NOP58: variants seen among roughly 807,000 people sequenced by gnomAD.
NOP58 encodes the protein nucleolar protein 58.
Under a neutral mutation model 71.2 loss-of-function variants are expected in NOP58, and 44 were observed. The ratio of observed to expected loss-of-function variants is 0.62; its 90% CI spans 0.49 to 0.79. The LOEUF (loss-of-function observed/expected upper bound fraction) is 0.79, where lower values mean the gene tolerates loss of function less well. Among genes scored for constraint, NOP58 ranks in the 30% least tolerant of loss-of-function variants. The pLI, the probability that NOP58 is intolerant of heterozygous loss-of-function variation, is 0.00. For missense variants in NOP58, 538 were observed against 620.2 expected (o/e 0.87, Z 1.41); for synonymous variants, 228 against 200.3 (o/e 1.14, Z -1.17).
At position 202,303,062 on chromosome 2, in the gene NOP58, G is replaced by A; in HGVS notation, c.1539+5G>A. 1 of 1,606,398 alleles carries A rather than the reference G, an allele frequency of 6.2e-7. No individual in the cohort carries two copies. On this transcript the variant is annotated splice_donor_5th_base_variant and intron_variant, in intron 14 of 14. Transcript: ENST00000264279. ...TGTACCAGCACAGCAATTGCTGTAT[G>A]TTTGTTTTTAATTATCGGTTTTCAC...
chr2:202,282,927 C>T (rs959432683), intron 4 of NOP58, among the ~76,000 whole-genome samples: 27 of 152,192 alleles, frequency 1.8e-4, no homozygotes, highest in African/African-American at 5.8e-4. Context: ...CAGAACAATT[C>T]GGGCGGGGCG....
chr2:202,285,168 G>A (rs565177375), intron 5 of NOP58, among the ~76,000 whole-genome samples: 1 of 151,156 alleles, frequency 6.6e-6, no homozygotes, highest in East Asian at 2.0e-4. Context: ...CAGCCTCCGA[G>A]TAGCTAGGAT....
In NOP58 at chr2:202,291,200, CTG is replaced by C; in HGVS notation, c.711_712del (p.Ala238ArgfsTer25). ...GAAGTTGAAGCAGAAGTGAAAGCAGCTGCAGAGATATCAATGGGAACAGAGGT... is the reference window on the plus strand; with the variant it reads ...GAAGTTGAAGCAGAAGTGAAAGCAGCCAGAGATATCAATGGGAACAGAGGT... On this transcript the variant is annotated frameshift_variant, in exon 8 of 15. Transcript: ENST00000264279. LOFTEE classifies it high-confidence loss of function. 4 of 1,612,898 alleles carry C rather than the reference CTG, an allele frequency of 2.5e-6. No homozygotes were observed. Among genetic ancestry groups the C allele is most frequent in the Non-Finnish European group, 3.4e-6 (4 of 1,179,422 alleles).
chr2:202,266,738 A>G (rs1319688826), intron 1 of NOP58, among the ~76,000 whole-genome samples: 1 of 152,232 alleles, frequency 6.6e-6, no homozygotes, highest in Non-Finnish European at 1.5e-5. Context: ...ATTCATTTGG[A>G]CAAGATGAAA....
At chr2:202,291,399 C>T in intron 8 of NOP58, 129 bp downstream of exon 8, 1 of 608,968 alleles carries the variant, frequency 1.6e-6, no homozygotes. Context: ...GGTGTTCAGT[C>T]ACTACCTCAT....
chr2:202,294,542 A>AGAG (rs1491406578), intron 9 of NOP58, among the ~76,000 whole-genome samples: 7 of 152,200 alleles, frequency 4.6e-5, no homozygotes, highest in African/African-American at 1.7e-4. Context: ...TGTTTGAAAC[A>AGAG]GAGGATAGTA....
intron 1 of NOP58, 24 bp from the exon 2 acceptor site, chr2:202,275,089 A>C: frequency 8.3e-7 from 1 of 1,198,910 alleles, no homozygotes; most frequent in Non-Finnish European, 1.2e-6. Context: ...ATTTAAATAA[A>C]ACTATTTAAA....
chr2:202,297,986 C>A, intron 12 of NOP58, 80 bp downstream of exon 12: 1 of 823,900 alleles, frequency 1.2e-6, no homozygotes, highest in Non-Finnish European at 1.9e-6. Context: ...TTGTAAACTT[C>A]ACCTTGATGT....
chr2:202,289,249 T>C (rs1053130256), intron 6 of NOP58, among the ~76,000 whole-genome samples: 8 of 152,168 alleles, frequency 5.3e-5, no homozygotes, highest in Non-Finnish European at 8.8e-5. Flanking sequence ...AACCAAACAG[T>C]GGAAACAACC....
At chr2:202,300,708 T>A (rs1413040149) in intron 13 of NOP58, among the ~76,000 whole-genome samples, 1 of 152,238 alleles carries the variant, frequency 6.6e-6, no homozygotes, top group Non-Finnish European at 1.5e-5. Context: ...TAAGAATGAA[T>A]ACAGAATTGA....
chr2:202,275,400 T>G, intron 2 of NOP58: 1 of 454,556 alleles, frequency 2.2e-6, no homozygotes, highest in Non-Finnish European at 4.0e-6. Flanking sequence ...GTCTCCCCCT[T>G]ACCCACAGGG....
At chr2:202,282,307 A>C (rs1438254501) in intron 3 of NOP58, 44 bp from the exon 4 acceptor site, 2 of 1,563,018 alleles carry the variant, frequency 1.3e-6, no homozygotes, top group Non-Finnish European at 1.7e-6. Flanking sequence ...CTCAAAGTTA[A>C]AAATTTGAGA....
intron 6 of NOP58, among the ~76,000 whole-genome samples, chr2:202,289,133 A>G (rs1301670143): frequency 6.6e-6 from 1 of 152,114 alleles, no homozygotes; most frequent in East Asian, 1.9e-4. Context: ...AAAAAGAAAA[A>G]AAAAAGCGCT....
intron 13 of NOP58, among the ~76,000 whole-genome samples, chr2:202,300,592 T>A (rs1574390727): frequency 6.6e-6 from 1 of 152,234 alleles, no homozygotes; most frequent in East Asian, 1.9e-4. Context: ...GGTATTTTAC[T>A]AAGAGTTCCA....
In NOP58 at chr2:202,303,385, G is replaced by A. The variant is rs1273381957; in HGVS notation, c.1540-1G>A. The A allele has an allele frequency of 3.1e-6, 5 of 1,612,168 alleles. No homozygotes were observed. The highest frequency in any genetic ancestry group is 4.2e-6 in the Non-Finnish European group (5 of 1,179,138). ...AAAGCATTCTTGTTGGCTATTTTCA[G>A]AGTCCAGAGAAAAAGAAGAAAAAGA... On this transcript the variant is annotated splice_acceptor_variant, in intron 14 of 14. Coordinates refer to ENST00000264279, the MANE Select transcript of NOP58 (RefSeq NM_015934.5). LOFTEE classifies it high-confidence loss of function.
chr2:202,274,040 G>A (rs1688548381), intron 1 of NOP58, among the ~76,000 whole-genome samples: 2 of 151,794 alleles, frequency 1.3e-5, no homozygotes, highest in Admixed American at 1.3e-4. Context: ...ATACCTAAAT[G>A]TTGATAAGTA....
At chr2:202,279,686 C>A (rs192299788) in intron 3 of NOP58, among the ~76,000 whole-genome samples, 1 of 152,066 alleles carries the variant, frequency 6.6e-6, no homozygotes, top group Non-Finnish European at 1.5e-5. Flanking sequence ...CCCAGCTACT[C>A]GGGAGGCTGA....
intron 1 of NOP58, among the ~76,000 whole-genome samples, chr2:202,268,426 T>G (rs1688453651): frequency 6.6e-6 from 1 of 151,188 alleles, no homozygotes; most frequent in South Asian, 2.1e-4. Flanking sequence ...TCTCAGCTAC[T>G]TGGGAGGCTG....
rs1688883741 is a variant in NOP58 at position 202,291,230 on chromosome 2, CAGA to C, written c.747_749del (p.Glu249del). The C allele has an allele frequency of 1.2e-6, 2 of 1,609,922 alleles. No individual in the cohort carries two copies. The highest frequency in any genetic ancestry group is 1.1e-5 in the South Asian group (1 of 89,844). On this transcript the variant is annotated inframe_deletion, in exon 8 of 15. Coordinates refer to ENST00000264279, the MANE Select transcript of NOP58 (RefSeq NM_015934.5). Reference sequence around the variant, plus strand: ...GAGATATCAATGGGAACAGAGGTTTCAGAAGAAGATATTTGCAATATTCTGCAT... The same window carrying C: ...GAGATATCAATGGGAACAGAGGTTTCAGAAGATATTTGCAATATTCTGCAT...
Sources: allele counts gnomAD v4.1 joint callset (sites outside exome capture counted in the v4.1 genomes callset), GRCh38; gene constraint gnomAD v4.1.1; transcripts MANE v1.5; gene names NCBI Gene and HGNC (gene_info 2026-07-23, HGNC 2026-07-21).